The following FSD1L variants were observed in gnomAD, a reference collection of about 807,000 sequenced individuals.
FSD1L encodes the protein FSD1-like protein.
FSD1L carries 45 observed loss-of-function variants against 71.6 expected under a neutral mutation model. That is an observed-to-expected ratio of 0.63 (90% confidence interval 0.49 to 0.81). The LOEUF (loss-of-function observed/expected upper bound fraction) is 0.81, where lower values mean the gene tolerates loss of function less well. Among genes scored for constraint, FSD1L ranks in the 30% least tolerant of loss-of-function variants. The probability of loss-of-function intolerance (pLI) is 0.00; values close to 1 mark genes in which losing one functional copy is unlikely to be tolerated. For missense variants in FSD1L, 561 were observed against 618.1 expected, an observed-to-expected ratio of 0.91 and a Z score of 0.98; for synonymous variants, 197 against 207.2, an observed-to-expected ratio of 0.95 and a Z score of 0.42.
intron 13 of FSD1L, among the ~76,000 whole-genome samples, chr9:105,543,509 G>T (rs1397524364): frequency 6.6e-6 from 1 of 152,062 alleles, no homozygotes; most frequent in Non-Finnish European, 1.5e-5. Context: ...ATGTATACAT[G>T]TGCCATGTTG....
At chr9:105,466,695 A>AC (rs1426180737) in intron 3 of FSD1L, among the ~76,000 whole-genome samples, 2 of 115,002 alleles carry the variant, frequency 1.7e-5, no homozygotes, top group African/African-American at 6.4e-5. Context: ...TCTGTCTCAA[A>AC]AAAAAAAAAA....
rs191523775 is a variant in FSD1L at position 105,511,634 on chromosome 9, G to A, written c.896-1173G>A. On this transcript the variant is annotated intron_variant, in intron 9 of 13. Transcript: ENST00000481272. ...TTGTACTGTATGACATTTACTGGAA[G>A]CTCTGTGGTCAGTAGATTTGTATTC... Among the ~76,000 whole-genome samples the A allele has an allele frequency of 6.6e-5, 10 of 152,208 alleles. No homozygotes were observed. The East Asian group carries it at 1.9e-3, about 29-fold the overall frequency.
chr9:105,448,074 G>T lies in FSD1L; in HGVS notation c.-147G>T. On this transcript the variant is annotated 5_prime_UTR_variant, in exon 1 of 14. Coordinates refer to ENST00000481272, the MANE Select transcript of FSD1L (RefSeq NM_001145313.3). The stretch of plus-strand genomic sequence containing the variant: ...CCGCGGCGTGACTACGGCGCGCGCG[G>T]TCTGGGCGCGGACGGGTGGGGCCGG... 1 of 901,920 alleles carries T rather than the reference G, an allele frequency of 1.1e-6. No homozygotes were observed. The highest frequency in any genetic ancestry group is 1.5e-5 in the South Asian group (1 of 68,846). The allele number at this position is 901,920 out of a possible 1,614,324, so 55.9% of individuals were successfully genotyped here.
At chr9:105,519,637 G>A (rs756811500) in intron 10 of FSD1L, among the ~76,000 whole-genome samples, 8 of 152,194 alleles carry the variant, frequency 5.3e-5, no homozygotes, top group Non-Finnish European at 1.2e-4. Context: ...ACTAGGTATC[G>A]ATGGAATGTA....
intron 1 of FSD1L, among the ~76,000 whole-genome samples, chr9:105,455,614 T>G (rs1271498501): frequency 2.0e-5 from 3 of 152,156 alleles, no homozygotes. Context: ...CCTCCTGGAT[T>G]TGAAAAGCAG....
chr9:105,512,012 T>C (rs1275077030), intron 9 of FSD1L, among the ~76,000 whole-genome samples: 1 of 152,102 alleles, frequency 6.6e-6, no homozygotes, highest in East Asian at 1.9e-4. Context: ...GAGAGTTATA[T>C]TTTAAGATAA....
intron 6 of FSD1L, among the ~76,000 whole-genome samples, chr9:105,480,931 T>C (rs1218663448): frequency 6.6e-6 from 1 of 152,188 alleles, no homozygotes; most frequent in African/African-American, 2.4e-5. Context: ...TTTTCAAGAT[T>C]CTATATGGCT....
intron 13 of FSD1L, among the ~76,000 whole-genome samples, chr9:105,541,724 C>T (rs983551796): frequency 1.3e-5 from 2 of 152,152 alleles, no homozygotes; most frequent in Non-Finnish European, 2.9e-5. Context: ...TGTATAACCA[C>T]CACCATAATC....
intron 9 of FSD1L, 44 bp downstream of exon 9, chr9:105,508,759 A>G: frequency 1.8e-6 from 2 of 1,142,046 alleles, no homozygotes; most frequent in Non-Finnish European, 2.5e-6. Flanking sequence ...AAAGCTTAAC[A>G]TCTGAAGTTA....
At chr9:105,522,065 C>G in intron 10 of FSD1L, 1 of 1,613,018 alleles carries the variant, frequency 6.2e-7, no homozygotes, top group Non-Finnish European at 8.5e-7. Context: ...TTCTACAGTT[C>G]CAAGGGAAAA....
intron 10 of FSD1L, chr9:105,525,428 A>T: frequency 6.2e-7 from 1 of 1,608,166 alleles, no homozygotes; most frequent in East Asian, 2.2e-5. Context: ...GCTATCCTTA[A>T]GCAACATACA....
chr9:105,530,409 C>G, intron 10 of FSD1L: 1 of 496,258 alleles, frequency 2.0e-6, no homozygotes. Flanking sequence ...GAAGAGTTTT[C>G]CTTACTTAAC....
intron 1 of FSD1L, among the ~76,000 whole-genome samples, chr9:105,455,907 C>G (rs1186276728): frequency 6.6e-6 from 1 of 152,152 alleles, no homozygotes; most frequent in East Asian, 1.9e-4. Context: ...TGCAGGGGCT[C>G]TAGATTTTTG....
intron 6 of FSD1L, 68 bp from the exon 7 acceptor site, chr9:105,484,313 T>C: frequency 8.4e-7 from 1 of 1,196,026 alleles, no homozygotes; most frequent in Non-Finnish European, 1.1e-6. Context: ...CTTTTCATTT[T>C]ATAAATTAAA....
chr9:105,470,709 A>C (rs1831397798), intron 4 of FSD1L, among the ~76,000 whole-genome samples: 1 of 152,128 alleles, frequency 6.6e-6, no homozygotes, highest in Admixed American at 6.6e-5. Flanking sequence ...TGTATCTTCG[A>C]AGTGTGTCCA....
At chr9:105,498,604 A>G (rs2131327023) in intron 7 of FSD1L, among the ~76,000 whole-genome samples, 1 of 152,328 alleles carries the variant, frequency 6.6e-6, no homozygotes, top group East Asian at 1.9e-4. Context: ...TCATTGACCA[A>G]AATGTTGTTA....
intron 7 of FSD1L, among the ~76,000 whole-genome samples, chr9:105,498,223 A>ATTATTATTATTG (rs770554725): frequency 0.036 from 5,363 of 147,032 alleles, 115 homozygotes; most frequent in South Asian, 0.051. Flanking sequence ...TATTATTATT[A>ATTATTATTATTG]TTGTTTTTAG....
chr9:105,538,329 A>G (rs1836393494), intron 12 of FSD1L, among the ~76,000 whole-genome samples: 1 of 152,254 alleles, frequency 6.6e-6, no homozygotes, highest in Non-Finnish European at 1.5e-5. Flanking sequence ...TAAACAATCT[A>G]CATAATAATG....
chr9:105,491,651 TTATTATTTTGAGATACGTCCCA>T (rs1198533830), intron 7 of FSD1L, among the ~76,000 whole-genome samples: 2 of 152,046 alleles, frequency 1.3e-5, no homozygotes, highest in Non-Finnish European at 2.9e-5. Flanking sequence ...TAGATAGCTC[TTATTATTTTGAGATACGTCCCA>T]TCAATACCTA....
Sources: gnomAD v4.1 joint callset for allele counts (sites outside exome capture counted in the v4.1 genomes callset) on GRCh38, gnomAD v4.1.1 for gene constraint, MANE v1.5 for transcripts, NCBI Gene and HGNC (gene_info 2026-07-23, HGNC 2026-07-21) for gene names.